PTPRT: variants seen among roughly 807,000 people sequenced by gnomAD.
The protein encoded by PTPRT is protein tyrosine phosphatase receptor type T, also known as receptor-type tyrosine-protein phosphatase T.
PTPRT carries 56 observed loss-of-function variants against 176.8 expected under a neutral mutation model. The ratio of observed to expected loss-of-function variants is 0.32; its 90% CI spans 0.26 to 0.40. The LOEUF (loss-of-function observed/expected upper bound fraction) is 0.40, where lower values mean the gene tolerates loss of function less well. Ranked by LOEUF, PTPRT falls within the 10% of genes least tolerant of loss-of-function variation. The pLI, the probability that PTPRT is intolerant of heterozygous loss-of-function variation, is 1.00. For synonymous variants in PTPRT, 783 were observed against 739.0 expected (o/e 1.06, Z -0.96); for missense variants, 1,540 against 1,908.2 (o/e 0.81, Z 3.60).
chr20:42,489,260 TG>T (rs768697790), intron 7 of PTPRT, among the ~76,000 whole-genome samples: 32 of 152,132 alleles, frequency 2.1e-4, no homozygotes, highest in Non-Finnish European at 4.1e-4. Flanking sequence ...TCCAGGCACA[TG>T]GTCAGGTTGT....
intron 11 of PTPRT, among the ~76,000 whole-genome samples, chr20:42,350,211 C>CTTGTTTTTTTTTTTTTTGTTGTT (rs2058255752): frequency 2.8e-5 from 2 of 70,602 alleles, no homozygotes; most frequent in Non-Finnish European, 3.0e-5. Flanking sequence ...TAGGATGTTT[C>CTTGTTTTTTTTTTTTTTGTTGTT]TTGTTTTTTT....
chr20:42,579,058 C>T (rs1568991751), intron 7 of PTPRT, among the ~76,000 whole-genome samples: 1 of 110,874 alleles, frequency 9.0e-6, no homozygotes, highest in Admixed American at 1.2e-4. Context: ...TCCCTCCCCC[C>T]TCCCCCCACC....
At chr20:43,173,874 C>T (rs2015064066) in intron 1 of PTPRT, among the ~76,000 whole-genome samples, 1 of 152,182 alleles carries the variant, frequency 6.6e-6, no homozygotes, top group South Asian at 2.1e-4. Flanking sequence ...CCATAAAAAT[C>T]TTCTAACATT....
intron 7 of PTPRT, among the ~76,000 whole-genome samples, chr20:42,656,472 T>C (rs1407368658): frequency 6.6e-6 from 1 of 152,160 alleles, no homozygotes; most frequent in Non-Finnish European, 1.5e-5. Flanking sequence ...TGCAGAGTTA[T>C]TGTCTCAGGA....
chr20:42,939,258 C>A (rs962088898), intron 1 of PTPRT, among the ~76,000 whole-genome samples: 1 of 152,184 alleles, frequency 6.6e-6, no homozygotes, highest in Non-Finnish European at 1.5e-5. Flanking sequence ...GCCTTCCAGG[C>A]TAATCTGGGG....
At chr20:42,276,496 AATATATATATATATAT>A (rs61484693) in intron 13 of PTPRT, among the ~76,000 whole-genome samples, 102 of 44,168 alleles carry the variant, frequency 2.3e-3, no homozygotes, top group African/African-American at 3.6e-3. Flanking sequence ...GAAAGAAGGA[AATATATATATATATAT>A]ATATATATAT....
At chr20:42,801,896 C>A (rs1315943517) in intron 2 of PTPRT, among the ~76,000 whole-genome samples, 1 of 152,120 alleles carries the variant, frequency 6.6e-6, no homozygotes, top group Non-Finnish European at 1.5e-5. Context: ...GCCTTAGAGA[C>A]CACCTCTCTA....
intron 1 of PTPRT, among the ~76,000 whole-genome samples, chr20:43,140,666 C>G (rs1309605633): frequency 6.6e-6 from 1 of 152,072 alleles, no homozygotes; most frequent in Admixed American, 6.6e-5. Context: ...GTCTGTTGTT[C>G]CTCAATTTCA....
At chr20:42,856,043 A>C (rs1053214555) in intron 2 of PTPRT, among the ~76,000 whole-genome samples, 15 of 152,200 alleles carry the variant, frequency 9.9e-5, no homozygotes, top group Admixed American at 9.8e-4. Flanking sequence ...CTCTCATTAA[A>C]GCAGCTGACT....
At chr20:43,020,671 G>A (rs1328080565) in intron 1 of PTPRT, among the ~76,000 whole-genome samples, 2 of 152,126 alleles carry the variant, frequency 1.3e-5, no homozygotes, top group Non-Finnish European at 2.9e-5. Context: ...GGGAATCTGA[G>A]ATACCGCTCC....
chr20:42,043,128 C>T, the PTPRT span, among the ~76,000 whole-genome samples: 2 of 152,234 alleles, frequency 1.3e-5, no homozygotes, highest in African/African-American at 4.8e-5. Flanking sequence ...GTGTGGTCCA[C>T]AGAACACTTG....
intron 1 of PTPRT, among the ~76,000 whole-genome samples, chr20:42,894,263 G>A (rs2079252995): frequency 6.6e-6 from 1 of 152,148 alleles, no homozygotes; most frequent in South Asian, 2.1e-4. Flanking sequence ...CTGCTAAGGA[G>A]TAAACTGTGA....
At chr20:42,713,657 T>C (rs2076179669) in intron 6 of PTPRT, among the ~76,000 whole-genome samples, 1 of 152,206 alleles carries the variant, frequency 6.6e-6, no homozygotes, top group South Asian at 2.1e-4. Flanking sequence ...CCTGCCAGAC[T>C]GCACTAAAAT....
At chr20:42,739,038 C>T (rs1012316534) in intron 6 of PTPRT, among the ~76,000 whole-genome samples, 6 of 152,018 alleles carry the variant, frequency 3.9e-5, no homozygotes, top group Admixed American at 2.0e-4. Flanking sequence ...ACAGCCTAGG[C>T]GACAGAGTGA....
intron 7 of PTPRT, among the ~76,000 whole-genome samples, chr20:42,544,487 G>C (rs903574534): frequency 2.0e-5 from 3 of 152,160 alleles, no homozygotes; most frequent in African/African-American, 4.8e-5. Context: ...CGGCTGGTTT[G>C]ATCTTCTGTC....
At chr20:42,974,473 G>A (rs900878739) in intron 1 of PTPRT, among the ~76,000 whole-genome samples, 43 of 149,932 alleles carry the variant, frequency 2.9e-4, no homozygotes, top group African/African-American at 8.8e-4. Flanking sequence ...GTGCACGCGC[G>A]CACACACACA....
intron 13 of PTPRT, among the ~76,000 whole-genome samples, chr20:42,263,604 C>A (rs895574178): frequency 6.6e-6 from 1 of 151,354 alleles, no homozygotes; most frequent in Non-Finnish European, 1.5e-5. Flanking sequence ...TGGTCTAGAA[C>A]TCCTGACCTC....
intron 2 of PTPRT, among the ~76,000 whole-genome samples, chr20:42,860,987 G>A (rs1049007682): frequency 6.6e-6 from 1 of 152,156 alleles, no homozygotes; most frequent in African/African-American, 2.4e-5. Context: ...TAAGGATGAC[G>A]ATTATTCTCT....
intron 7 of PTPRT, among the ~76,000 whole-genome samples, chr20:42,631,761 A>AAATG (rs749934717): frequency 9.7e-4 from 148 of 152,256 alleles, no homozygotes; most frequent in Non-Finnish European, 1.1e-3. Flanking sequence ...AAGCTTGTGT[A>AAATG]AATGAATGAA....
Sources: allele counts gnomAD v4.1 joint callset (sites outside exome capture counted in the v4.1 genomes callset), GRCh38; gene constraint gnomAD v4.1.1; transcripts MANE v1.5; gene names NCBI Gene and HGNC (gene_info 2026-07-23, HGNC 2026-07-21).